PKHD1L1: variants seen among roughly 807,000 people sequenced by gnomAD.
PKHD1L1 encodes PKHD1 like 1.
Under a neutral mutation model 462.9 loss-of-function variants are expected in PKHD1L1, and 434 were observed. The ratio of observed to expected loss-of-function variants is 0.94; its 90% CI spans 0.87 to 1.02. The LOEUF is 1.02. Ranked by LOEUF, PKHD1L1 falls within the 50% of genes least tolerant of loss-of-function variation. PKHD1L1 has a pLI of 0.00. For synonymous variants in PKHD1L1, 1,781 were observed against 1,750.0 expected (o/e 1.02, Z -0.44); for missense variants, 5,202 against 5,096.1 (o/e 1.02, Z -0.63).
chr8:109,422,451 G>C (rs1025206734), intron 23 of PKHD1L1, among the ~76,000 whole-genome samples: 1 of 152,174 alleles, frequency 6.6e-6, no homozygotes, highest in Non-Finnish European at 1.5e-5. Context: ...CTACAAAAAT[G>C]GAATCAGATG....
At position 109,406,303 on chromosome 8, in the gene PKHD1L1, T is replaced by C. The variant is rs188087750; in HGVS notation, c.1670-32T>C. 25 of 1,487,480 alleles carry C rather than the reference T, an allele frequency of 1.7e-5. No individual in the cohort carries two copies. In the East Asian group the frequency reaches 3.8e-4, roughly 23 times the overall value. 92.1% of individuals were successfully genotyped at this position (1,487,480 alleles called of 1,614,324 possible). A position where few individuals can be genotyped will look rare whatever the true frequency, so the allele number is the denominator to read the frequency against. ...CTCAGAAAGATTTCAACTTTTCTGT[T>C]TGTTTGTTTGTTTGTTTTAATCCAA... On this transcript the variant is annotated intron_variant, in intron 16 of 77. Coordinates refer to ENST00000378402, the MANE Select transcript of PKHD1L1 (RefSeq NM_177531.6).
chr8:109,389,820 G>A (rs954038902), intron 8 of PKHD1L1, among the ~76,000 whole-genome samples: 6 of 152,140 alleles, frequency 3.9e-5, no homozygotes, highest in South Asian at 2.1e-4. Context: ...GAGCCAACGC[G>A]CCTGGCCTTC....
rs1306337637 is a variant in PKHD1L1, at chr8:109,511,439, G to A, written c.11553+505G>A. On this transcript the variant is annotated intron_variant, in intron 71 of 77. Transcript: ENST00000378402. ...AATTCCCACCTATGAGTGAGAATAT[G>A]TGGTGTTTGGTTTTTTGTTCTTGCG... Among the ~76,000 whole-genome samples, 5 of 148,260 alleles carry A rather than the reference G, an allele frequency of 3.4e-5. No homozygotes were observed. In the East Asian group the frequency reaches 1.0e-3, roughly 30 times the overall value.
intron 59 of PKHD1L1, 90 bp downstream of exon 59, chr8:109,486,911 A>G: frequency 7.8e-7 from 1 of 1,287,614 alleles, no homozygotes. Flanking sequence ...TCACTTTTTT[A>G]ATAAGATTAT....
intron 31 of PKHD1L1, 146 bp from the exon 32 acceptor site, chr8:109,438,751 A>G (rs1202408120): frequency 1.4e-6 from 1 of 706,330 alleles, no homozygotes; most frequent in Non-Finnish European, 2.2e-6. Flanking sequence ...CAACTCTTTC[A>G]TTGTTTTTCC....
intron 38 of PKHD1L1, among the ~76,000 whole-genome samples, chr8:109,446,391 A>G (rs1204887147): frequency 6.6e-6 from 1 of 152,186 alleles, no homozygotes; most frequent in Non-Finnish European, 1.5e-5. Context: ...GTTTTTTAAA[A>G]CATCAATTTC....
intron 13 of PKHD1L1, 106 bp downstream of exon 13, chr8:109,400,450 G>C: frequency 1.6e-6 from 2 of 1,278,224 alleles, no homozygotes; most frequent in Non-Finnish European, 2.1e-6. Context: ...AAATGTATGA[G>C]AAATGATGTC....
At chr8:109,452,931 T>A (rs1816620005) in intron 43 of PKHD1L1, 57 bp downstream of exon 43, 1 of 1,245,242 alleles carries the variant, frequency 8.0e-7, no homozygotes, top group South Asian at 2.6e-5. Context: ...TCTGTGAAAC[T>A]GATTTAATCA....
rs1243191127 is a variant in PKHD1L1, at chr8:109,404,962, A to G, written c.1534-33A>G. ...TGCTTTTAAGATATATATATTTTTC[A>G]TATATTAAAAATGTTTCTTAATTGG... On this transcript the variant is annotated intron_variant, in intron 15 of 77. Transcript: ENST00000378402. The G allele has an allele frequency of 2.3e-6, 3 of 1,330,444 alleles. No individual in the cohort carries two copies. In the East Asian group the frequency reaches 7.8e-5, roughly 34 times the overall value. 82.4% of individuals were successfully genotyped at this position (1,330,444 alleles called of 1,614,324 possible). A position where few individuals can be genotyped will look rare whatever the true frequency, so the allele number is the denominator to read the frequency against.
At chr8:109,393,453 A>G (rs1812804079) in intron 9 of PKHD1L1, among the ~76,000 whole-genome samples, 1 of 152,216 alleles carries the variant, frequency 6.6e-6, no homozygotes, top group Non-Finnish European at 1.5e-5. Context: ...CTTTAGGTTT[A>G]TAGAAGTATA....
intron 40 of PKHD1L1, among the ~76,000 whole-genome samples, chr8:109,450,105 G>C (rs974564077): frequency 2.0e-5 from 3 of 152,250 alleles, no homozygotes; most frequent in African/African-American, 7.2e-5. Context: ...TCTCAATTTT[G>C]TTACTTACTG....
rs1360457255 is a variant in PKHD1L1, at chr8:109,518,443, T to C, written c.11966T>C (p.Met3989Thr). 2 of 1,610,994 alleles carry C rather than the reference T, an allele frequency of 1.2e-6. No homozygotes were observed. The highest frequency in any genetic ancestry group is 2.2e-5 in the East Asian group (1 of 44,850). ...RGKSLRRKRSMGFIIEIEIGD... is the reference protein window; with the variant it reads ...RGKSLRRKRSTGFIIEIEIGD... ...AAGAGTCTGAGGAGGAAGAGATCCA[T>C]GGGATTCATAATTGAAATAGAGATT... Residue 3989 changes from methionine (M) to threonine (T), a missense_variant, in exon 73 of 78, where the codon ATG becomes ACG. Physicochemically the swap from Met to Thr is moderately conservative, Grantham distance 81. Transcript: ENST00000378402.
At chr8:109,480,526 C>T in intron 55 of PKHD1L1, 2 of 433,808 alleles carry the variant, frequency 4.6e-6, no homozygotes, top group South Asian at 1.7e-5. Context: ...AAAAAAAAAC[C>T]AAAGGGACAT....
intron 1 of PKHD1L1, among the ~76,000 whole-genome samples, chr8:109,363,527 G>C (rs763566238): frequency 2.9e-4 from 44 of 151,916 alleles, no homozygotes; most frequent in Non-Finnish European, 5.3e-4. Flanking sequence ...AATTTCTGTG[G>C]CCTTTCTTTG....
In PKHD1L1 at chr8:109,504,313, T is replaced by C. The variant is rs377692159; in HGVS notation, c.10829-14T>C. ...TTAGAGAAAATAATCACTTATCTATTATTTATGTTTTAGGTTCAACATTTG... is the reference window on the plus strand; with the variant it reads ...TTAGAGAAAATAATCACTTATCTATCATTTATGTTTTAGGTTCAACATTTG... On this transcript the variant is annotated splice_polypyrimidine_tract_variant and intron_variant, in intron 67 of 77. Coordinates refer to ENST00000378402, the MANE Select transcript of PKHD1L1 (RefSeq NM_177531.6). 12 of 1,372,500 alleles carry C rather than the reference T, an allele frequency of 8.7e-6. No individual in the cohort carries two copies. The highest frequency in any genetic ancestry group is 4.5e-5 in the African/African-American group (3 of 66,400). The allele number at this position is 1,372,500 out of a possible 1,614,324, so 85.0% of individuals were successfully genotyped here.
Position 109,443,064 on chromosome 8 carries a change from A to T in PKHD1L1, c.4512A>T (p.Arg1504Ser). ...GVINVLPAETRHIPLHLFVGR... is the reference protein window; with the variant it reads ...GVINVLPAETSHIPLHLFVGR... ...TTAATGTTTTACCAGCTGAAACCAG[A>T]CACATTCCCTTGCACCTGTTTGTGG... The change falls in exon 36 of 78, where the codon AGA becomes AGT. Residue 1504 changes from arginine to serine, a missense_variant. Arg to Ser is a moderately radical substitution (Grantham distance 110). Coordinates refer to ENST00000378402, the MANE Select transcript of PKHD1L1 (RefSeq NM_177531.6). 1 of 1,613,712 alleles carries T rather than the reference A, an allele frequency of 6.2e-7. No individual in the cohort carries two copies. Among genetic ancestry groups the T allele is most frequent in the Non-Finnish European group, 8.5e-7 (1 of 1,179,690 alleles).
chr8:109,363,620 A>G (rs1811087244), intron 1 of PKHD1L1, among the ~76,000 whole-genome samples: 2 of 152,180 alleles, frequency 1.3e-5, no homozygotes, highest in African/African-American at 4.8e-5. Flanking sequence ...GTGTAAGCAG[A>G]AAATAAACAC....
chr8:109,465,237 C>T lies in PKHD1L1; in HGVS notation c.8405C>T (p.Ser2802Leu). Residue 2802 changes from serine to leucine, a missense_variant, in exon 49 of 78, where the codon TCA becomes TTA. Ser to Leu is a moderately radical substitution (Grantham distance 145). Around this residue, in one of 3 missense-constraint regions of PKHD1L1, gnomAD observed 4,497 missense variants for 4,336.8 expected, o/e 1.04. Coordinates refer to ENST00000378402, the MANE Select transcript of PKHD1L1 (RefSeq NM_177531.6). Reference sequence around the variant, plus strand: ...ATGGTAATGATTGATGTTGATGGCTCACTTACAGGTAATGTTATTTTTTAA... The same window carrying T: ...ATGGTAATGATTGATGTTGATGGCTTACTTACAGGTAATGTTATTTTTTAA... Reference protein sequence around the residue: ...HEMVMIDVDGSLTGHKGHTVI... With the variant: ...HEMVMIDVDGLLTGHKGHTVI... The T allele has an allele frequency of 6.2e-7, 1 of 1,611,312 alleles. No individual in the cohort carries two copies. The highest frequency in any genetic ancestry group is 8.5e-7 in the Non-Finnish European group (1 of 1,178,382).
At chr8:109,471,692 A>C (rs745950911) in intron 50 of PKHD1L1, among the ~76,000 whole-genome samples, 3 of 152,206 alleles carry the variant, frequency 2.0e-5, no homozygotes, top group Non-Finnish European at 4.4e-5. Flanking sequence ...GACAGCCTTT[A>C]TTGTAGTAAA....
Sources: gnomAD v4.1 joint callset for allele counts (sites outside exome capture counted in the v4.1 genomes callset) on GRCh38, gnomAD v4.1.1 for gene constraint, gnomAD v4.1.1 regional missense constraint, MANE v1.5 for transcripts, NCBI Gene and HGNC (gene_info 2026-07-23, HGNC 2026-07-21) for gene names.